MIGA1: variants seen among roughly 807,000 people sequenced by gnomAD.
MIGA1 encodes the protein mitoguardin 1.
In MIGA1, 58 loss-of-function variants were observed where a neutral mutation model predicts 82.0. The observed-to-expected ratio is 0.71, with a 90% confidence interval of 0.57 to 0.88. MIGA1 has a LOEUF of 0.88. Ranked by LOEUF, MIGA1 falls within the 40% of genes least tolerant of loss-of-function variation. The pLI is 0.00. For synonymous variants in MIGA1, 249 were observed against 253.6 expected (o/e 0.98, Z 0.17); for missense variants, 751 against 749.1 (o/e 1.00, Z -0.03).
At chr1:77,869,597 C>A (rs1212611416) in intron 14 of MIGA1, among the ~76,000 whole-genome samples, 2 of 143,348 alleles carry the variant, frequency 1.4e-5, no homozygotes, top group African/African-American at 5.2e-5. Context: ...CCCTCCCGGA[C>A]GAGGCGGCTG....
intron 7 of MIGA1, among the ~76,000 whole-genome samples, chr1:77,837,021 C>T (rs868596072): frequency 9.9e-5 from 15 of 152,020 alleles, no homozygotes; most frequent in African/African-American, 3.6e-4. Context: ...TACTTGGACA[C>T]GTAATAGTGA....
chr1:77,802,546 G>C (rs1682927417), intron 3 of MIGA1, among the ~76,000 whole-genome samples: 1 of 152,208 alleles, frequency 6.6e-6, no homozygotes, highest in Admixed American at 6.5e-5. Context: ...GGCCAAAGCA[G>C]GAGGATGGCT....
intron 8 of MIGA1, among the ~76,000 whole-genome samples, chr1:77,858,079 G>A (rs937164711): frequency 2.6e-5 from 4 of 152,192 alleles, no homozygotes; most frequent in South Asian, 2.1e-4. Flanking sequence ...GGCCAGACGC[G>A]GTGGCTGACG....
chr1:77,793,254 C>G (rs984032806), intron 2 of MIGA1, among the ~76,000 whole-genome samples: 3 of 152,078 alleles, frequency 2.0e-5, no homozygotes, highest in Non-Finnish European at 4.4e-5. Context: ...AGGCATGCAC[C>G]ACCATGCCTG....
intron 8 of MIGA1, among the ~76,000 whole-genome samples, chr1:77,850,862 CT>C (rs66645153): frequency 0.68 from 100,761 of 148,666 alleles, 35,739 homozygotes; most frequent in Non-Finnish European, 0.81. Flanking sequence ...TTCTTTCTTT[CT>C]TTTTTTTTTT....
chr1:77,823,172 G>A (rs1683893356), intron 7 of MIGA1, among the ~76,000 whole-genome samples: 1 of 151,750 alleles, frequency 6.6e-6, no homozygotes, highest in African/African-American at 2.4e-5. Context: ...TTTCTTTGTA[G>A]ATAACAATGA....
chr1:77,804,615 A>G (rs977696264), intron 4 of MIGA1, among the ~76,000 whole-genome samples: 1 of 152,004 alleles, frequency 6.6e-6, no homozygotes, highest in Non-Finnish European at 1.5e-5. Flanking sequence ...GATAAACAAC[A>G]TTAACAATTT....
rs556827412 is a variant in MIGA1 at position 77,879,499 on chromosome 1, A to C, written c.*4435A>C. On this transcript the variant is annotated 3_prime_UTR_variant, in exon 16 of 16. Transcript: ENST00000370791. ...CTTTAGCCAAAATAAGCACTGTAAC[A>C]TGGATGTATTACTATTACTGCCAAA... 1 of 152,338 alleles carries C rather than the reference A, an allele frequency of 6.6e-6. No individual in the cohort carries two copies. The highest frequency in any genetic ancestry group is 2.1e-4 in the South Asian group (1 of 4,824). The allele number at this position is 152,338 out of a possible 1,614,324, so 9.4% of individuals were successfully genotyped here.
intron 2 of MIGA1, among the ~76,000 whole-genome samples, chr1:77,791,637 C>T (rs1682433485): frequency 6.9e-6 from 1 of 144,774 alleles, no homozygotes; most frequent in African/African-American, 2.6e-5. Context: ...GATCTTGGCT[C>T]ATTGCAACCT....
intron 7 of MIGA1, among the ~76,000 whole-genome samples, chr1:77,827,685 G>T (rs1684085624): frequency 6.6e-6 from 1 of 152,122 alleles, no homozygotes; most frequent in Non-Finnish European, 1.5e-5. Context: ...CTGCGAAGGA[G>T]AGTGAACTAG....
intron 2 of MIGA1, among the ~76,000 whole-genome samples, chr1:77,786,387 AT>A (rs1160091804): frequency 6.6e-6 from 1 of 152,196 alleles, no homozygotes; most frequent in East Asian, 1.9e-4. Context: ...CTCTTTACTT[AT>A]GCAAATTTCT....
intron 14 of MIGA1, among the ~76,000 whole-genome samples, chr1:77,871,990 CAG>C (rs1571027628): frequency 6.6e-6 from 1 of 151,302 alleles, no homozygotes. Context: ...TTTTTTGAGA[CAG>C]AGTCTTACTT....
chr1:77,817,968 T>G (rs1271553322), intron 7 of MIGA1, among the ~76,000 whole-genome samples: 1 of 150,680 alleles, frequency 6.6e-6, no homozygotes, highest in Non-Finnish European at 1.5e-5. Flanking sequence ...TTTTTTTTTT[T>G]TTTTTTTGCA....
At chr1:77,790,127 T>C (rs1343132037) in intron 2 of MIGA1, among the ~76,000 whole-genome samples, 1 of 152,230 alleles carries the variant, frequency 6.6e-6, no homozygotes, top group Non-Finnish European at 1.5e-5. Context: ...AATATCACAA[T>C]CAAGAAATTG....
rs139804604 is a variant in MIGA1, at chr1:77,863,957, T to C, written c.1438T>C (p.Leu480=). ...TATATTAATGGACTCCTTTGAAGAT[T>C]TGGAAAACCCACCCACATCCATACA... The change falls in exon 13 of 16, where the codon TTG becomes CTG. Residue 480 remains leucine, a synonymous_variant. Coordinates refer to ENST00000370791, the MANE Select transcript of MIGA1 (RefSeq NM_198549.4). 1.7e-4 allele frequency: 277 copies of C among 1,605,346 alleles called. No individual in the cohort carries two copies. The highest frequency in any genetic ancestry group is 2.2e-4 in the Non-Finnish European group (260 of 1,177,490).
intron 8 of MIGA1, among the ~76,000 whole-genome samples, chr1:77,844,135 T>TAGATAGATAG (rs1553223169): frequency 2.7e-5 from 3 of 112,536 alleles, no homozygotes; most frequent in Admixed American, 9.8e-5. Context: ...TATATATATA[T>TAGATAGATAG]ATAGATAGAT....
chr1:77,872,881 T>C lies in MIGA1; in HGVS notation c.1564-123T>C. 5 of 1,339,820 alleles carry C rather than the reference T, an allele frequency of 3.7e-6. No individual in the cohort carries two copies. In the Admixed American group the frequency reaches 8.1e-5, roughly 22 times the overall value. 83.0% of individuals were successfully genotyped at this position (1,339,820 alleles called of 1,614,324 possible). A position where few individuals can be genotyped will look rare whatever the true frequency, so the allele number is the denominator to read the frequency against. On this transcript the variant is annotated intron_variant, in intron 14 of 15. Coordinates refer to ENST00000370791, the MANE Select transcript of MIGA1 (RefSeq NM_198549.4). ...TTGAGGTGTTGCTAGACTCTGGTTC[T>C]AAAAAACAAATTTTCTTAAACTCCC...
chr1:77,871,097 G>GAGAGGC (rs1685968524), intron 14 of MIGA1, among the ~76,000 whole-genome samples: 1 of 19,468 alleles, frequency 5.1e-5, no homozygotes, highest in African/African-American at 1.1e-4. Flanking sequence ...TGGGAAGGGG[G>GAGAGGC]AGAGGGAGAG....
In MIGA1 at chr1:77,879,002, T is replaced by C. The variant is rs1646916256; in HGVS notation, c.*3938T>C. 3 of 272,546 alleles carry C rather than the reference T, an allele frequency of 1.1e-5. No homozygotes were observed. In the Admixed American group the frequency reaches 1.6e-4, roughly 15 times the overall value. 16.9% of individuals were successfully genotyped at this position (272,546 alleles called of 1,614,324 possible). A position where few individuals can be genotyped will look rare whatever the true frequency, so the allele number is the denominator to read the frequency against. ...TTAAATTTAATTTCCAAGAGAGTGA[T>C]TATTTGCATTACAAAGGAATTCTTA... On this transcript the variant is annotated 3_prime_UTR_variant, in exon 16 of 16. Coordinates refer to ENST00000370791, the MANE Select transcript of MIGA1 (RefSeq NM_198549.4).
Sources: allele counts gnomAD v4.1 joint callset (sites outside exome capture counted in the v4.1 genomes callset), GRCh38; gene constraint gnomAD v4.1.1; transcripts MANE v1.5; gene names NCBI Gene and HGNC (gene_info 2026-07-23, HGNC 2026-07-21).